PCDH9: variants seen among roughly 807,000 people sequenced by gnomAD.
The protein encoded by PCDH9 is protocadherin 9, also known as protocadherin-9.
PCDH9 carries 24 observed loss-of-function variants against 70.6 expected under a neutral mutation model. That is an observed-to-expected ratio of 0.34 (90% CI 0.25 to 0.48). The LOEUF (loss-of-function observed/expected upper bound fraction) is 0.48, where lower values mean the gene tolerates loss of function less well. PCDH9 is among the 20% of genes least tolerant of loss of function. The probability of loss-of-function intolerance (pLI) is 0.99; values close to 1 mark genes in which losing one functional copy is unlikely to be tolerated. For missense variants in PCDH9, 1,281 were observed against 1,503.6 expected (o/e 0.85, Z 2.45); for synonymous variants, 562 against 558.5 (o/e 1.01, Z -0.09).
chr13:66,554,799 T>C (rs570891667), intron 4 of PCDH9, among the ~76,000 whole-genome samples: 2 of 152,260 alleles, frequency 1.3e-5, no homozygotes, highest in South Asian at 4.2e-4. Context: ...TAACAGGTTT[T>C]AAATGAAATA....
chr13:67,031,880 C>G (rs985113948), intron 2 of PCDH9, among the ~76,000 whole-genome samples: 3 of 152,084 alleles, frequency 2.0e-5, no homozygotes, highest in Non-Finnish European at 4.4e-5. Flanking sequence ...GAAACTATGC[C>G]TGTCAAAGAT....
intron 3 of PCDH9, chr13:66,825,124 G>T (rs2080795170): frequency 6.6e-6 from 1 of 151,594 alleles, no homozygotes; most frequent in Non-Finnish European, 1.5e-5. Flanking sequence ...GAATGTAAAA[G>T]AGAAAAGTGG....
At chr13:66,397,252 C>G (rs1030892234) in intron 4 of PCDH9, among the ~76,000 whole-genome samples, 1 of 151,942 alleles carries the variant, frequency 6.6e-6, no homozygotes, top group African/African-American at 2.4e-5. Flanking sequence ...GATACAGTCT[C>G]TACAAAAAAA....
chr13:66,327,477 G>A (rs1165677603), intron 4 of PCDH9, among the ~76,000 whole-genome samples: 2 of 152,148 alleles, frequency 1.3e-5, no homozygotes, highest in African/African-American at 4.8e-5. Flanking sequence ...TGTCCTTTGT[G>A]TGTCTTCCCT....
chr13:67,029,746 A>G (rs1179186622), intron 2 of PCDH9, among the ~76,000 whole-genome samples: 5 of 152,086 alleles, frequency 3.3e-5, no homozygotes, highest in Non-Finnish European at 7.4e-5. Context: ...AAATAATAAT[A>G]CTCACCTAAT....
chr13:66,352,746 A>C lies in PCDH9; in HGVS notation c.3341-47718T>G, dbSNP rs779943943. Among the ~76,000 whole-genome samples, 84 of 152,226 alleles carry C rather than the reference A, an allele frequency of 5.5e-4. 1 individual carries two copies. Among genetic ancestry groups the C allele is most frequent in the Admixed American group, 2.6e-4 (4 of 15,268 alleles). ...TTGAGTGGATACAAACATTTAGTAC[A>C]TAATAATAACCCATCTTGTCACTTT... On this transcript the variant is annotated intron_variant, in intron 4 of 4. Coordinates refer to ENST00000377865, the MANE Select transcript of PCDH9 (RefSeq NM_203487.3).
intron 2 of PCDH9, among the ~76,000 whole-genome samples, chr13:67,026,663 A>C (rs9540974): frequency 0.37 from 55,976 of 150,956 alleles, 10,696 homozygotes; most frequent in Middle Eastern, 0.47. Context: ...ATCTAGAAAA[A>C]CCCATTGTCT....
intron 3 of PCDH9, among the ~76,000 whole-genome samples, chr13:66,777,478 A>G (rs1178882810): frequency 6.6e-6 from 1 of 152,224 alleles, no homozygotes; most frequent in Non-Finnish European, 1.5e-5. Flanking sequence ...AAGGACATGA[A>G]AAGACACTTC....
chr13:67,111,165 GTTTA>G (rs1268510677), intron 2 of PCDH9, among the ~76,000 whole-genome samples: 1 of 152,090 alleles, frequency 6.6e-6, no homozygotes, highest in Non-Finnish European at 1.5e-5. Context: ...GCATATATAT[GTTTA>G]TTTATAATAT....
chr13:66,960,081 A>T (rs2139722782), intron 2 of PCDH9, among the ~76,000 whole-genome samples: 1 of 152,322 alleles, frequency 6.6e-6, no homozygotes, highest in Non-Finnish European at 1.5e-5. Flanking sequence ...TTTGTTTGCA[A>T]ATTGACTGAC....
Position 67,228,520 on chromosome 13 carries a change from A to T in PCDH9, c.-80T>A. 8.3e-7 allele frequency: 1 copy of T among 1,210,960 alleles called. No individual in the cohort carries two copies. The highest frequency in any genetic ancestry group is 1.1e-6 in the Non-Finnish European group (1 of 869,598). 75.0% of individuals were successfully genotyped at this position (1,210,960 alleles called of 1,614,324 possible). On this transcript the variant is annotated 5_prime_UTR_variant, in exon 2 of 5. Transcript: ENST00000377865. The stretch of plus-strand genomic sequence containing the variant: ...GGAATGATGCACAAATTGCAAGAGG[A>T]AGCGTGCATGGACTGGAGGATGCAT...
chr13:66,417,522 T>C (rs1172521706), intron 4 of PCDH9, among the ~76,000 whole-genome samples: 1 of 152,190 alleles, frequency 6.6e-6, no homozygotes, highest in South Asian at 2.1e-4. Context: ...GAATGATTTA[T>C]AATCCTTTGA....
intron 2 of PCDH9, among the ~76,000 whole-genome samples, chr13:67,101,746 A>G (rs2086439183): frequency 6.7e-5 from 1 of 14,854 alleles, no homozygotes; most frequent in African/African-American, 2.4e-4. Flanking sequence ...GTTTGTTTTA[A>G]TATCTTCAAT....
At chr13:66,361,300 A>C (rs1296487043) in intron 4 of PCDH9, among the ~76,000 whole-genome samples, 1 of 152,188 alleles carries the variant, frequency 6.6e-6, no homozygotes, top group Non-Finnish European at 1.5e-5. Context: ...TTCTAATTAA[A>C]TGAGTTAAAA....
chr13:66,788,494 A>G (rs1421359585), intron 3 of PCDH9, among the ~76,000 whole-genome samples: 1 of 152,114 alleles, frequency 6.6e-6, no homozygotes, highest in African/African-American at 2.4e-5. Flanking sequence ...TAGTATTTGT[A>G]AAGGCATTTA....
At chr13:66,458,369 T>C (rs149132924) in intron 4 of PCDH9, among the ~76,000 whole-genome samples, 2,236 of 152,224 alleles carry the variant, frequency 0.015, 49 homozygotes, top group African/African-American at 0.05. Context: ...AATATTTTAT[T>C]TTTTTAACAG....
intron 4 of PCDH9, among the ~76,000 whole-genome samples, chr13:66,355,749 C>T (rs1272924988): frequency 6.6e-6 from 1 of 152,130 alleles, no homozygotes; most frequent in Non-Finnish European, 1.5e-5. Context: ...TGACCACAGG[C>T]TCACAGGGGC....
At chr13:66,868,031 T>C (rs2081607064) in intron 3 of PCDH9, among the ~76,000 whole-genome samples, 1 of 151,998 alleles carries the variant, frequency 6.6e-6, no homozygotes, top group Non-Finnish European at 1.5e-5. Context: ...AATAATAAAT[T>C]AGCTAAAATT....
chr13:67,109,663 A>G (rs2086616698), intron 2 of PCDH9, among the ~76,000 whole-genome samples: 2 of 152,208 alleles, frequency 1.3e-5, no homozygotes, highest in Non-Finnish European at 2.9e-5. Context: ...TATTTCAAAA[A>G]CGTATCTCCA....
Sources: gnomAD v4.1 joint callset for allele counts (sites outside exome capture counted in the v4.1 genomes callset) on GRCh38, gnomAD v4.1.1 for gene constraint, MANE v1.5 for transcripts, NCBI Gene and HGNC (gene_info 2026-07-23, HGNC 2026-07-21) for gene names.